Variants in TGM5 observed in about 807,000 individuals in gnomAD.
The protein encoded by TGM5 is protein-glutamine gamma-glutamyltransferase 5.
A neutral mutation model predicts 77.2 loss-of-function variants in TGM5; 69 were observed. The observed-to-expected ratio is 0.89, with a 90% CI of 0.74 to 1.09. TGM5 has a LOEUF of 1.09. TGM5 is among the 50% of genes least tolerant of loss of function. The pLI is 0.00. For synonymous variants in TGM5, 346 were observed against 351.8 expected, an observed-to-expected ratio of 0.98 and a Z score of 0.18; for missense variants, 842 against 896.5, an observed-to-expected ratio of 0.94 and a Z score of 0.78.
chr15:43,261,072 G>T (rs1020899891), intron 1 of TGM5, among the ~76,000 whole-genome samples: 22,452 of 52,066 alleles, frequency 0.43, 4,850 homozygotes, highest in African/African-American at 0.7. Context: ...TTTTTTGTGT[G>T]TGTGTTTTTT....
At chr15:43,236,830 A>G (rs1266622002) in intron 9 of TGM5, among the ~76,000 whole-genome samples, 1 of 152,088 alleles carries the variant, frequency 6.6e-6, no homozygotes, top group Non-Finnish European at 1.5e-5. Flanking sequence ...TTAGCCAGGC[A>G]TGGTGGCAGG....
At chr15:43,235,219 G>T (rs1464732138) in intron 10 of TGM5, among the ~76,000 whole-genome samples, 5 of 150,804 alleles carry the variant, frequency 3.3e-5, no homozygotes, top group African/African-American at 1.2e-4. Flanking sequence ...AGGAAAGGAG[G>T]AGGAAGAGAA....
At chr15:43,246,587 G>A (rs537295896) in intron 6 of TGM5, among the ~76,000 whole-genome samples, 9 of 152,134 alleles carry the variant, frequency 5.9e-5, no homozygotes, top group Non-Finnish European at 1.2e-4. Flanking sequence ...ACACAGGCTC[G>A]GGAAGCCCAG....
intron 5 of TGM5, 142 bp from the exon 6 acceptor site, chr15:43,253,078 T>G (rs2042717236): frequency 1.1e-6 from 1 of 895,480 alleles, no homozygotes; most frequent in Non-Finnish European, 1.8e-6. Context: ...CCAGACCTGC[T>G]GGGGAGGGCT....
intron 10 of TGM5, 143 bp downstream of exon 10, chr15:43,235,326 G>T: frequency 9.3e-7 from 1 of 1,072,342 alleles, no homozygotes. Context: ...GGAAGGAGAA[G>T]AGGGAAGGAG....
intron 9 of TGM5, among the ~76,000 whole-genome samples, chr15:43,237,961 GAGGCCCC>G (rs1474387820): frequency 2.0e-5 from 3 of 152,222 alleles, no homozygotes; most frequent in African/African-American, 4.8e-5. Context: ...GATGAGGCCG[GAGGCCCC>G]AGGGAGTGGG....
chr15:43,234,822 TC>T lies in TGM5; in HGVS notation c.1821del (p.Ile609SerfsTer3), dbSNP rs772794420. 24 of 1,614,138 alleles carry T rather than the reference TC, an allele frequency of 1.5e-5. No individual in the cohort carries two copies. Among genetic ancestry groups the T allele is most frequent in the Admixed American group, 6.7e-5 (4 of 60,018 alleles). On this transcript the variant is annotated frameshift_variant, in exon 11 of 13. Coordinates refer to ENST00000220420, the MANE Select transcript of TGM5 (RefSeq NM_201631.4). LOFTEE classifies it high-confidence loss of function. ...SALGEEKSSP[E>X]KILVNKIITL... The stretch of plus-strand genomic sequence containing the variant: ...GTGATGATCTTGTTCACCAGGATTT[TC>T]TCAGGACTGCTTTTCTCTTCACCCA...
At chr15:43,243,506 G>T (rs2042652892) in intron 6 of TGM5, among the ~76,000 whole-genome samples, 1 of 152,240 alleles carries the variant, frequency 6.6e-6, no homozygotes, top group Non-Finnish European at 1.5e-5. Flanking sequence ...CAGTAGAACA[G>T]AATGAAGTTA....
chr15:43,251,080 C>A (rs1011939530), intron 6 of TGM5, among the ~76,000 whole-genome samples: 1 of 152,166 alleles, frequency 6.6e-6, no homozygotes, highest in African/African-American at 2.4e-5. Flanking sequence ...CTCTCTCTAT[C>A]TTATACAAGA....
chr15:43,261,452 C>T (rs1310514748), intron 1 of TGM5, among the ~76,000 whole-genome samples: 1 of 152,118 alleles, frequency 6.6e-6, no homozygotes. Flanking sequence ...GTGCTCAGTG[C>T]CCTGGGAGCT....
At chr15:43,233,411 C>G (rs2042561711) in intron 12 of TGM5, 67 bp from the exon 13 acceptor site, 1 of 1,611,284 alleles carries the variant, frequency 6.2e-7, no homozygotes, top group African/African-American at 1.3e-5. Context: ...CCCTTTTCCA[C>G]CCAGCTTCCT....
rs1401281699 is a variant in TGM5, at chr15:43,240,734, G to C, written c.1001+118C>G. On this transcript the variant is annotated intron_variant, in intron 7 of 12. Transcript: ENST00000220420. ...GGGGTGGGTGGGGGAGGGTGAGGGG[G>C]TGTGGAGGAGGTGAAGGGGAGGGAC... is the stretch of plus-strand genomic sequence containing the variant. 42 of 1,317,148 alleles carry C rather than the reference G, an allele frequency of 3.2e-5. 1 individual carries two copies. The South Asian group carries it at 4.7e-4, about 15-fold the overall frequency. The allele number at this position is 1,317,148 out of a possible 1,614,324, so 81.6% of individuals were successfully genotyped here. A position where few individuals can be genotyped will look rare whatever the true frequency, so the allele number is the denominator to read the frequency against.
intron 6 of TGM5, among the ~76,000 whole-genome samples, chr15:43,244,126 C>T (rs951419709): frequency 2.6e-5 from 4 of 152,172 alleles, no homozygotes; most frequent in Admixed American, 6.5e-5. Flanking sequence ...GACTCCACAC[C>T]GCACTCATCC....
In TGM5 at chr15:43,261,060, C is replaced by CTTTT. The variant is rs199676346; in HGVS notation, c.11-485_11-482dup. Among the ~76,000 whole-genome samples the CTTTT allele has an allele frequency of 6.4e-3, 582 of 90,588 alleles. 70 individuals are homozygous for CTTTT. The highest frequency in any genetic ancestry group is 0.031 in the African/African-American group (485 of 15,796). The allele number at this position is 90,588 out of a possible 152,430, so 59.4% of individuals were successfully genotyped here. ...TAACTCCTTGGGCTAGCTGCTCTTC[C>CTTTT]TTTTTTTGTGTGTGTGTTTTTTTTT... is the stretch of plus-strand genomic sequence containing the variant. On this transcript the variant is annotated intron_variant, in intron 1 of 12. Coordinates refer to ENST00000220420, the MANE Select transcript of TGM5 (RefSeq NM_201631.4).
At chr15:43,236,492 G>A (rs1442459124) in intron 9 of TGM5, among the ~76,000 whole-genome samples, 8 of 152,100 alleles carry the variant, frequency 5.3e-5, no homozygotes, top group African/African-American at 1.4e-4. Context: ...ACTTGCCCAC[G>A]CCTCATAATT....
At chr15:43,245,743 C>G (rs181424300) in intron 6 of TGM5, among the ~76,000 whole-genome samples, 12 of 152,230 alleles carry the variant, frequency 7.9e-5, no homozygotes, top group Admixed American at 3.3e-4. Flanking sequence ...ACAAGGATAT[C>G]AACCTTGAAG....
intron 3 of TGM5, among the ~76,000 whole-genome samples, chr15:43,258,314 C>T (rs559653967): frequency 1.3e-4 from 20 of 151,686 alleles, no homozygotes; most frequent in Middle Eastern, 3.4e-3. Context: ...TAAAATAATG[C>T]GTACATCAAA....
At chr15:43,265,709 G>C (rs571477179) in intron 1 of TGM5, among the ~76,000 whole-genome samples, 1 of 152,214 alleles carries the variant, frequency 6.6e-6, no homozygotes, top group Non-Finnish European at 1.5e-5. Flanking sequence ...ATCCTAGAGA[G>C]ACACTCCCAC....
intron 1 of TGM5, among the ~76,000 whole-genome samples, chr15:43,264,034 C>T (rs1305949244): frequency 2.0e-5 from 3 of 152,114 alleles, no homozygotes; most frequent in Admixed American, 1.3e-4. Flanking sequence ...AAAGGAGATA[C>T]GCAAAAGGCT....
Sources: gnomAD v4.1 joint callset for allele counts (sites outside exome capture counted in the v4.1 genomes callset) on GRCh38, gnomAD v4.1.1 for gene constraint, MANE v1.5 for transcripts, NCBI Gene and HGNC (gene_info 2026-07-23, HGNC 2026-07-21) for gene names.